GFOD2: variants seen among roughly 807,000 people sequenced by gnomAD.
The protein encoded by GFOD2 is glucose-fructose oxidoreductase domain-containing protein 2.
Under a neutral mutation model 24.6 loss-of-function variants are expected in GFOD2, and 9 were observed. That is an observed-to-expected ratio of 0.37 (90% confidence interval 0.22 to 0.64). The LOEUF (loss-of-function observed/expected upper bound fraction) is 0.64. Among genes scored for constraint, GFOD2 ranks in the 30% least tolerant of loss-of-function variants. The probability of loss-of-function intolerance (pLI) is 0.65; values close to 1 mark genes in which losing one functional copy is unlikely to be tolerated. For synonymous variants in GFOD2, 211 were observed against 224.8 expected, an observed-to-expected ratio of 0.94 and a Z score of 0.55; for missense variants, 476 against 532.5, an observed-to-expected ratio of 0.89 and a Z score of 1.04.
chr16:67,703,273 C>T (rs1031429059), intron 1 of GFOD2, among the ~76,000 whole-genome samples: 14 of 152,106 alleles, frequency 9.2e-5, no homozygotes, highest in Admixed American at 7.9e-4. Flanking sequence ...CATGGTGGCG[C>T]ATGCCTGTAA....
intron 1 of GFOD2, among the ~76,000 whole-genome samples, chr16:67,714,964 A>G (rs1036746237): frequency 6.6e-6 from 1 of 152,252 alleles, no homozygotes; most frequent in Non-Finnish European, 1.5e-5. Flanking sequence ...TTCTAAGAGC[A>G]GGAGCTAGCA....
At chr16:67,681,251 G>A (rs1255569057) in intron 2 of GFOD2, 3 of 985,326 alleles carry the variant, frequency 3.0e-6, no homozygotes, top group African/African-American at 3.5e-5. Flanking sequence ...CGCTGCTGGC[G>A]ACAGAGTGGA....
chr16:67,712,974 T>C (rs2053486545), intron 1 of GFOD2, among the ~76,000 whole-genome samples: 1 of 94,616 alleles, frequency 1.1e-5, no homozygotes, highest in South Asian at 3.1e-4. Flanking sequence ...TGCTGGGCGC[T>C]CAAGTTCAAG....
chr16:67,700,809 G>A (rs2053397278), intron 1 of GFOD2, among the ~76,000 whole-genome samples: 1 of 151,228 alleles, frequency 6.6e-6, no homozygotes, highest in Non-Finnish European at 1.5e-5. Flanking sequence ...GAGGCGGGCG[G>A]ATCACCCGAG....
At chr16:67,679,186 A>G (rs1449143223) in intron 2 of GFOD2, among the ~76,000 whole-genome samples, 1 of 151,832 alleles carries the variant, frequency 6.6e-6, no homozygotes. Context: ...AATAAATAAA[A>G]GACTCACATA....
chr16:67,685,352 C>T, intron 2 of GFOD2, 105 bp downstream of exon 2: 1 of 1,546,742 alleles, frequency 6.5e-7, no homozygotes, highest in Non-Finnish European at 8.8e-7. Context: ...CTCCTCCCTG[C>T]AGATGCGAGC....
At chr16:67,706,925 G>C (rs1219316001) in intron 1 of GFOD2, among the ~76,000 whole-genome samples, 3 of 151,982 alleles carry the variant, frequency 2.0e-5, no homozygotes, top group Admixed American at 6.6e-5. Flanking sequence ...CAGGTATGGT[G>C]GTGGGCACCT....
In GFOD2 at chr16:67,685,500, G is replaced by A; in HGVS notation, c.216C>T (p.Ser72=). The change falls in exon 2 of 3, where the codon AGC becomes AGT. Residue 72 remains serine, a synonymous_variant. Transcript: ENST00000268797. The part of the protein sequence containing the change: ...LHQDVDLVCI[S]IPPPLTRQIS... ...TCTGCCGGGTGAGTGGAGGGGGGAT[G>A]CTGATGCACACCAGATCCACATCTT... 1 of 1,614,182 alleles carries A rather than the reference G, an allele frequency of 6.2e-7. No homozygotes were observed. Among genetic ancestry groups the A allele is most frequent in the Non-Finnish European group, 8.5e-7 (1 of 1,180,030 alleles).
At chr16:67,704,887 C>T (rs2053428900) in intron 1 of GFOD2, among the ~76,000 whole-genome samples, 1 of 152,260 alleles carries the variant, frequency 6.6e-6, no homozygotes, top group Non-Finnish European at 1.5e-5. Context: ...GCTCAAACAT[C>T]ACAGACATTG....
chr16:67,691,959 T>A (rs533737823), intron 1 of GFOD2, among the ~76,000 whole-genome samples: 1 of 152,268 alleles, frequency 6.6e-6, no homozygotes, highest in African/African-American at 2.4e-5. Context: ...GAATAACAAG[T>A]AATCTGGCCT....
At chr16:67,710,425 T>C (rs1044282303) in intron 1 of GFOD2, among the ~76,000 whole-genome samples, 8 of 152,088 alleles carry the variant, frequency 5.3e-5, no homozygotes, top group Non-Finnish European at 8.8e-5. Flanking sequence ...AGTGCAGTGG[T>C]GCGATCTCAG....
chr16:67,703,870 C>A (rs528450548), intron 1 of GFOD2, among the ~76,000 whole-genome samples: 72 of 152,284 alleles, frequency 4.7e-4, no homozygotes, highest in African/African-American at 1.7e-3. Flanking sequence ...CAGCCCCTGG[C>A]AACCACCATT....
At chr16:67,699,695 G>C (rs1220861998) in intron 1 of GFOD2, among the ~76,000 whole-genome samples, 3 of 152,012 alleles carry the variant, frequency 2.0e-5, no homozygotes, top group Non-Finnish European at 4.4e-5. Context: ...TGTTGGCCAG[G>C]CTGGTCTCAA....
chr16:67,718,071 T>C (rs2053519099), intron 1 of GFOD2, among the ~76,000 whole-genome samples: 1 of 152,224 alleles, frequency 6.6e-6, no homozygotes, highest in Non-Finnish European at 1.5e-5. Context: ...CAGAAGGAAA[T>C]AAGTTTCCTT....
chr16:67,688,170 G>GA (rs2053282624), intron 1 of GFOD2, among the ~76,000 whole-genome samples: 1 of 151,822 alleles, frequency 6.6e-6, no homozygotes, highest in African/African-American at 2.4e-5. Flanking sequence ...CACTGAAAGG[G>GA]AAAAACACAC....
rs146965632 is a variant in GFOD2 at position 67,703,434 on chromosome 16, G to GAA, written c.-88+15727_-88+15728dup. ...AAACAAAACAAAACAAAACAAAAAG[G>GAA]AAAAAAAAACCCTGTATTTCCTAGC... On this transcript the variant is annotated intron_variant, in intron 1 of 2. Coordinates refer to ENST00000268797, the MANE Select transcript of GFOD2 (RefSeq NM_030819.4). Among the ~76,000 whole-genome samples, 431 of 150,322 alleles carry GAA rather than the reference G, an allele frequency of 2.9e-3. 2 individuals are homozygous for GAA. Among genetic ancestry groups the GAA allele is most frequent in the Middle Eastern group, 0.014 (4 of 292 alleles).
At chr16:67,685,823 C>G in intron 1 of GFOD2, 21 bp from the exon 2 acceptor site, 2 of 1,294,548 alleles carry the variant, frequency 1.5e-6, no homozygotes, top group African/African-American at 2.9e-5. Flanking sequence ...AAACATTACA[C>G]TGGTTATTAC....
chr16:67,710,389 C>CTTTG (rs143133208), intron 1 of GFOD2, among the ~76,000 whole-genome samples: 24,222 of 151,844 alleles, frequency 0.16, 2,305 homozygotes, highest in African/African-American at 0.27. Flanking sequence ...CAAAGTTAGC[C>CTTTG]TTTGTTTTTT....
chr16:67,714,861 G>C (rs916520545), intron 1 of GFOD2, among the ~76,000 whole-genome samples: 1 of 152,098 alleles, frequency 6.6e-6, no homozygotes, highest in East Asian at 1.9e-4. Context: ...CGAATTTCAG[G>C]ACTATCCAGG....
Sources: allele counts gnomAD v4.1 joint callset (sites outside exome capture counted in the v4.1 genomes callset), GRCh38; gene constraint gnomAD v4.1.1; transcripts MANE v1.5; gene names NCBI Gene and HGNC (gene_info 2026-07-23, HGNC 2026-07-21).